WWOX: variants seen among roughly 807,000 people sequenced by gnomAD.
WWOX encodes the protein WW domain-containing oxidoreductase.
Under a neutral mutation model 46.2 loss-of-function variants are expected in WWOX, and 69 were observed. That is an observed-to-expected ratio of 1.49 (90% CI 1.23 to 1.82). WWOX has a LOEUF of 1.82. Ranked by LOEUF, WWOX falls within the 40% of genes most tolerant of loss-of-function variation. The pLI is 0.00. For missense variants in WWOX, 919 were observed against 542.6 expected (o/e 1.69, Z -6.89); for synonymous variants, 359 against 202.6 (o/e 1.77, Z -6.56).
At chr16:79,010,499 G>A (rs1296319598) in intron 8 of WWOX, among the ~76,000 whole-genome samples, 1 of 152,140 alleles carries the variant, frequency 6.6e-6, no homozygotes, top group Admixed American at 6.5e-5. Context: ...CAGGCCCTGG[G>A]GATCCCCCAG....
At chr16:78,485,372 A>G (rs543866615) in intron 8 of WWOX, among the ~76,000 whole-genome samples, 2 of 151,918 alleles carry the variant, frequency 1.3e-5, no homozygotes, top group Non-Finnish European at 2.9e-5. Flanking sequence ...TTGACTCCCT[A>G]AGGAACCCTG....
chr16:79,137,760 C>G (rs917214571), intron 8 of WWOX, among the ~76,000 whole-genome samples: 1 of 152,064 alleles, frequency 6.6e-6, no homozygotes, highest in Non-Finnish European at 1.5e-5. Flanking sequence ...TGGCCTCTGT[C>G]CCCTCTGTGT....
chr16:78,292,848 A>T (rs1328015719), intron 5 of WWOX, among the ~76,000 whole-genome samples: 1 of 152,198 alleles, frequency 6.6e-6, no homozygotes, highest in Non-Finnish European at 1.5e-5. Context: ...GTATTCAAGG[A>T]TGGGCTAGGA....
At chr16:78,588,409 G>A (rs566287124) in intron 8 of WWOX, among the ~76,000 whole-genome samples, 3 of 152,168 alleles carry the variant, frequency 2.0e-5, no homozygotes, top group Non-Finnish European at 2.9e-5. Context: ...GGGCTACTCT[G>A]TACTCAGATG....
At chr16:78,355,757 A>G (rs2081272575) in intron 5 of WWOX, 1 of 710,662 alleles carries the variant, frequency 1.4e-6, no homozygotes, top group Non-Finnish European at 2.5e-6. Context: ...ATATGAATCA[A>G]CAAAACAGAA....
chr16:78,689,584 G>T (rs1264646353), intron 8 of WWOX, among the ~76,000 whole-genome samples: 3 of 152,114 alleles, frequency 2.0e-5, no homozygotes, highest in African/African-American at 4.8e-5. Flanking sequence ...CTTCATGTCT[G>T]ATCACCCTTG....
chr16:78,699,514 G>A (rs1461061078), intron 8 of WWOX, among the ~76,000 whole-genome samples: 2 of 152,156 alleles, frequency 1.3e-5, no homozygotes, highest in African/African-American at 2.4e-5. Flanking sequence ...ACTCCCACAT[G>A]GGTGACAGAG....
At chr16:78,906,311 G>C (rs2044962914) in intron 8 of WWOX, among the ~76,000 whole-genome samples, 1 of 152,170 alleles carries the variant, frequency 6.6e-6, no homozygotes, top group Admixed American at 6.5e-5. Context: ...TCTTGGCCTT[G>C]AATAAGATGA....
At chr16:78,938,986 G>T (rs934579188) in intron 8 of WWOX, among the ~76,000 whole-genome samples, 2 of 152,188 alleles carry the variant, frequency 1.3e-5, no homozygotes, top group Non-Finnish European at 2.9e-5. Flanking sequence ...ACATGGTTTA[G>T]ATTGAAATCT....
chr16:79,105,021 C>A (rs893270104), intron 8 of WWOX, among the ~76,000 whole-genome samples: 1 of 152,212 alleles, frequency 6.6e-6, no homozygotes, highest in South Asian at 2.1e-4. Flanking sequence ...CCGGTCAGCA[C>A]GGGGCTGGGT....
intron 8 of WWOX, among the ~76,000 whole-genome samples, chr16:79,094,337 T>C (rs1487703736): frequency 6.7e-6 from 1 of 149,124 alleles, no homozygotes; most frequent in South Asian, 2.2e-4. Context: ...CGCTGCAAAC[T>C]CCAACTGGTT....
intron 5 of WWOX, among the ~76,000 whole-genome samples, chr16:78,370,457 GAA>G (rs971227965): frequency 5.3e-5 from 8 of 151,626 alleles, no homozygotes; most frequent in African/African-American, 1.9e-4. Flanking sequence ...AAAAAGGAGA[GAA>G]ATATATGAGA....
chr16:78,764,906 C>G (rs1268292705), intron 8 of WWOX, among the ~76,000 whole-genome samples: 1 of 152,014 alleles, frequency 6.6e-6, no homozygotes, highest in Non-Finnish European at 1.5e-5. Context: ...TTTAAAAACG[C>G]AAGTGTTGAA....
intron 8 of WWOX, among the ~76,000 whole-genome samples, chr16:78,565,635 A>T (rs1332087388): frequency 6.6e-6 from 1 of 152,168 alleles, no homozygotes; most frequent in South Asian, 2.1e-4. Context: ...GCCATGGCTG[A>T]TGACAGAGTC....
chr16:78,402,997 T>C (rs761234077), intron 6 of WWOX, among the ~76,000 whole-genome samples: 13 of 152,198 alleles, frequency 8.5e-5, no homozygotes, highest in Non-Finnish European at 1.8e-4. Context: ...CAGAGTACAT[T>C]AATTTTTATC....
At chr16:78,938,785 A>C (rs2045793968) in intron 8 of WWOX, among the ~76,000 whole-genome samples, 1 of 152,144 alleles carries the variant, frequency 6.6e-6, no homozygotes, top group African/African-American at 2.4e-5. Flanking sequence ...CCATTATACC[A>C]GATAAAGTGA....
rs59706959 is a variant in WWOX at position 78,254,502 on chromosome 16, GT to G, written c.516+90230del. 6.0e-4 allele frequency among the ~76,000 whole-genome samples: 55 copies of G among 91,652 alleles called. 2 individuals are homozygous for G. The highest frequency in any genetic ancestry group is 9.3e-4 in the Admixed American group (7 of 7,508). The allele number at this position is 91,652 out of a possible 152,430, so 60.1% of individuals were successfully genotyped here. A position where few individuals can be genotyped will look rare whatever the true frequency, so the allele number is the denominator to read the frequency against. Reference sequence around the variant, plus strand: ...CACTTTTCTTTTTCTTTTCTTTCTTGTTTTTTTTTTTTTTTTTGTTTGACAC... The same window carrying G: ...CACTTTTCTTTTTCTTTTCTTTCTTGTTTTTTTTTTTTTTTTGTTTGACAC... On this transcript the variant is annotated intron_variant, in intron 5 of 8. Transcript: ENST00000566780.
intron 8 of WWOX, among the ~76,000 whole-genome samples, chr16:78,581,802 A>G (rs962267050): frequency 1.4e-4 from 21 of 152,188 alleles, no homozygotes; most frequent in African/African-American, 4.8e-4. Flanking sequence ...AGTTTTCCCC[A>G]TACCAACTAG....
chr16:78,803,690 C>T (rs1242296853), intron 8 of WWOX, among the ~76,000 whole-genome samples: 4 of 152,120 alleles, frequency 2.6e-5, no homozygotes, highest in African/African-American at 4.8e-5. Flanking sequence ...AACTCCTAGG[C>T]TCAAGCAGTC....
Sources: allele counts gnomAD v4.1 joint callset (sites outside exome capture counted in the v4.1 genomes callset), GRCh38; gene constraint gnomAD v4.1.1; transcripts MANE v1.5; gene names NCBI Gene and HGNC (gene_info 2026-07-23, HGNC 2026-07-21).